The following P3H2 variants were observed in gnomAD, a reference collection of about 807,000 sequenced individuals.
The protein encoded by P3H2 is leprecan-like 1.
A neutral mutation model predicts 87.0 loss-of-function variants in P3H2; 80 were observed. The ratio of observed to expected loss-of-function variants is 0.92; its 90% confidence interval spans 0.77 to 1.11. P3H2 has a LOEUF of 1.11. P3H2 is among the 50% of genes least tolerant of loss of function. The pLI is 0.00. For missense variants in P3H2, 1,001 were observed against 923.9 expected (o/e 1.08, Z -1.08); for synonymous variants, 367 against 359.3 (o/e 1.02, Z -0.24).
At chr3:190,052,222 T>C (rs890975282) in intron 1 of P3H2, among the ~76,000 whole-genome samples, 3 of 152,094 alleles carry the variant, frequency 2.0e-5, no homozygotes, top group African/African-American at 4.8e-5. Context: ...GTATTTGTCC[T>C]AATGCTCTCC....
intron 1 of P3H2, among the ~76,000 whole-genome samples, chr3:190,060,342 T>C (rs1434672039): frequency 6.6e-6 from 1 of 152,160 alleles, no homozygotes; most frequent in Non-Finnish European, 1.5e-5. Flanking sequence ...AAGCTTACAA[T>C]GCATTCAGCA....
rs529802883 is a variant in P3H2, at chr3:190,067,739, T to C, written c.480+52513A>G. ...AAAAGTTTTAAAATTATTTATGAAG[T>C]ATTTCTGGGGGGGAATATTTTCTTT... On this transcript the variant is annotated intron_variant, in intron 1 of 14. Transcript: ENST00000319332. 3.0e-3 allele frequency among the ~76,000 whole-genome samples: 455 copies of C among 152,290 alleles called. 1 individual carries two copies. Among genetic ancestry groups the C allele is most frequent in the African/African-American group, 0.011 (447 of 41,564 alleles).
chr3:190,101,237 A>C (rs1211591456), intron 1 of P3H2, among the ~76,000 whole-genome samples: 1 of 152,012 alleles, frequency 6.6e-6, no homozygotes, highest in East Asian at 1.9e-4. Context: ...CTAAGTGTTC[A>C]AGTTAAGAGT....
chr3:189,976,835 A>T (rs1248832202), intron 8 of P3H2, among the ~76,000 whole-genome samples: 1 of 152,242 alleles, frequency 6.6e-6, no homozygotes, highest in Non-Finnish European at 1.5e-5. Context: ...TCCCAAGAAT[A>T]TATCCATAAG....
chr3:189,959,289 T>A (rs953031898), intron 14 of P3H2, among the ~76,000 whole-genome samples: 25 of 151,768 alleles, frequency 1.6e-4, no homozygotes, highest in African/African-American at 5.8e-4. Flanking sequence ...AGTTTTAGGG[T>A]ACATGTGCAC....
chr3:190,071,416 T>C (rs560754175), intron 1 of P3H2, among the ~76,000 whole-genome samples: 1 of 152,238 alleles, frequency 6.6e-6, no homozygotes, highest in African/African-American at 2.4e-5. Flanking sequence ...TCTAGAAACA[T>C]GTAAATCCAA....
At chr3:189,962,874 C>T (rs1489813580) in intron 14 of P3H2, among the ~76,000 whole-genome samples, 1 of 152,186 alleles carries the variant, frequency 6.6e-6, no homozygotes, top group African/African-American at 2.4e-5. Flanking sequence ...ACAAGGAAAA[C>T]TGGATAGAAT....
intron 1 of P3H2, among the ~76,000 whole-genome samples, chr3:190,076,781 C>A (rs1042960133): frequency 6.6e-6 from 1 of 152,170 alleles, no homozygotes; most frequent in Non-Finnish European, 1.5e-5. Flanking sequence ...TAAGGACACA[C>A]CACAGCCTTC....
chr3:190,085,823 C>T (rs1270825391), intron 1 of P3H2, among the ~76,000 whole-genome samples: 2 of 151,992 alleles, frequency 1.3e-5, no homozygotes, highest in African/African-American at 4.8e-5. Flanking sequence ...ATTCTCTTTA[C>T]CTTAGTTGGG....
intron 8 of P3H2, 118 bp from the exon 9 acceptor site, chr3:189,974,803 G>A: frequency 8.0e-7 from 1 of 1,252,648 alleles, no homozygotes; most frequent in Non-Finnish European, 1.2e-6. Context: ...TGAATATTTA[G>A]AAATGCAAAG....
intron 13 of P3H2, among the ~76,000 whole-genome samples, chr3:189,966,183 GA>G (rs1430681842): frequency 7.7e-6 from 1 of 129,836 alleles, no homozygotes; most frequent in African/African-American, 2.7e-5. Flanking sequence ...AAGAAAGAAA[GA>G]AAGAAAGAAA....
At chr3:190,107,830 GAT>G (rs1711908207) in intron 1 of P3H2, among the ~76,000 whole-genome samples, 1 of 152,062 alleles carries the variant, frequency 6.6e-6, no homozygotes, top group Non-Finnish European at 1.5e-5. Flanking sequence ...TACAAACTAT[GAT>G]TAGTCAAATT....
intron 1 of P3H2, among the ~76,000 whole-genome samples, chr3:190,054,303 T>G (rs1369146319): frequency 1.3e-5 from 2 of 152,194 alleles, no homozygotes; most frequent in African/African-American, 4.8e-5. Context: ...CTTGAATAAT[T>G]TGCAGGGCAA....
At chr3:190,007,822 T>TA (rs1553875086) in intron 1 of P3H2, among the ~76,000 whole-genome samples, 1,693 of 148,654 alleles carry the variant, frequency 0.011, 43 homozygotes, top group African/African-American at 0.04. Context: ...TTTTTTTTTT[T>TA]ATGTACTACT....
chr3:189,964,543 A>G (rs774253623), intron 13 of P3H2, among the ~76,000 whole-genome samples: 5 of 152,262 alleles, frequency 3.3e-5, no homozygotes, highest in Non-Finnish European at 7.3e-5. Flanking sequence ...TTATTGATCT[A>G]GGTAGTGGTT....
At chr3:190,086,214 C>T (rs1211596076) in intron 1 of P3H2, among the ~76,000 whole-genome samples, 2 of 152,122 alleles carry the variant, frequency 1.3e-5, no homozygotes, top group Non-Finnish European at 2.9e-5. Flanking sequence ...AGCCACTATC[C>T]TATTTTAGAA....
chr3:190,091,645 T>C (rs972394946), intron 1 of P3H2, among the ~76,000 whole-genome samples: 1 of 152,316 alleles, frequency 6.6e-6, no homozygotes, highest in African/African-American at 2.4e-5. Context: ...ACAAATAGAG[T>C]ACCTGATAAT....
In P3H2 at chr3:190,117,010, A is replaced by C. The variant is rs567282047; in HGVS notation, c.480+3242T>G. Among the ~76,000 whole-genome samples the C allele has an allele frequency of 2.6e-5, 4 of 152,206 alleles. No homozygotes were observed. The South Asian group carries it at 8.3e-4, about 32-fold the overall frequency. ...GGAGCTGTCCAAATCTGGCATAAGG[A>C]TAGCCCTGGGGTATGCAGCATTCTC... On this transcript the variant is annotated intron_variant, in intron 1 of 14. Transcript: ENST00000319332.
chr3:190,118,679 G>A (rs1292035318), intron 1 of P3H2, among the ~76,000 whole-genome samples: 10 of 151,864 alleles, frequency 6.6e-5, no homozygotes, highest in Admixed American at 3.9e-4. Context: ...TTGAAATTTC[G>A]TGCACTCCAC....
Sources: gnomAD v4.1 joint callset for allele counts (sites outside exome capture counted in the v4.1 genomes callset) on GRCh38, gnomAD v4.1.1 for gene constraint, MANE v1.5 for transcripts, NCBI Gene and HGNC (gene_info 2026-07-23, HGNC 2026-07-21) for gene names.